Variants in TRERF1 observed in about 807,000 individuals in gnomAD.
The protein encoded by TRERF1 is transcriptional-regulating factor 1.
A neutral mutation model predicts 122.9 loss-of-function variants in TRERF1; 27 were observed. That is an observed-to-expected ratio of 0.22 (90% CI 0.16 to 0.30). The LOEUF is 0.30. TRERF1 is among the 10% of genes least tolerant of loss of function. The pLI is 1.00. For missense variants in TRERF1, 1,248 were observed against 1,560.3 expected (o/e 0.80, Z 3.37); for synonymous variants, 636 against 641.7 (o/e 0.99, Z 0.13).
intron 3 of TRERF1, among the ~76,000 whole-genome samples, chr6:42,338,126 G>A (rs1377844880): frequency 6.6e-6 from 1 of 152,174 alleles, no homozygotes; most frequent in Admixed American, 6.5e-5. Context: ...CTGATCAAAG[G>A]CACCTGGCTC....
rs764644212 is a variant in TRERF1, at chr6:42,269,398, G to C, written c.193C>G (p.Leu65Val). ...TTTTTGGAGCCAACAGGCAAGCCCA[G>C]ACCATCCCGTGTATCTTGAGGGAAG... Residue 65 changes from leucine to valine, a missense_variant, in exon 5 of 18, where the codon CTG becomes GTG. Leu to Val is a conservative substitution (Grantham distance 32, BLOSUM62 1). Transcript: ENST00000372922. This position sits in a 1 kb window ranked among gnomAD's most constrained non-coding sequence, Gnocchi z 4.9. 8.1e-6 allele frequency: 13 copies of C among 1,614,192 alleles called. No homozygotes were observed. The Admixed American group carries it at 2.0e-4, about 25-fold the overall frequency.
intron 2 of TRERF1, among the ~76,000 whole-genome samples, chr6:42,450,857 C>G (rs1293748391): frequency 6.6e-6 from 1 of 152,182 alleles, no homozygotes; most frequent in Admixed American, 6.5e-5. Flanking sequence ...AAGGCAGAGT[C>G]CTGCGGTTTC....
rs761539174 is a variant in TRERF1, at chr6:42,258,122, G to A, written c.2336+13C>T. 1 of 1,612,482 alleles carries A rather than the reference G, an allele frequency of 6.2e-7. No homozygotes were observed. Among genetic ancestry groups the A allele is most frequent in the East Asian group, 2.2e-5 (1 of 44,884 alleles). On this transcript the variant is annotated intron_variant, in intron 10 of 17. Transcript: ENST00000372922. ...GAGGCTTCTGTTCTAAAGAGTAATTGACTTTTCCTTACGGTTCAACATCTA... is the reference window on the plus strand; with the variant it reads ...GAGGCTTCTGTTCTAAAGAGTAATTAACTTTTCCTTACGGTTCAACATCTA...
chr6:42,400,697 C>T (rs1002572097), intron 2 of TRERF1, among the ~76,000 whole-genome samples: 8 of 152,144 alleles, frequency 5.3e-5, no homozygotes, highest in African/African-American at 9.7e-5. Context: ...TGGGAGAAGA[C>T]GAGGACTCAC....
chr6:42,243,155 C>T (rs1262394168), intron 15 of TRERF1, 93 bp downstream of exon 15: 117 of 1,067,192 alleles, frequency 1.1e-4, no homozygotes, highest in Non-Finnish European at 1.3e-4. Flanking sequence ...GCTATCTTGG[C>T]AGCAAAGCCA....
chr6:42,266,276 C>T (rs1779171132), intron 5 of TRERF1, among the ~76,000 whole-genome samples: 2 of 151,348 alleles, frequency 1.3e-5, no homozygotes, highest in African/African-American at 4.9e-5. Flanking sequence ...GCAGCCTCCA[C>T]CACCTGGACT....
rs1769812707 is a variant in TRERF1 at position 42,228,289 on chromosome 6, G to C, written c.*56C>G. 2 of 1,481,556 alleles carry C rather than the reference G, an allele frequency of 1.3e-6. No homozygotes were observed. Among genetic ancestry groups the C allele is most frequent in the Non-Finnish European group, 1.8e-6 (2 of 1,103,558 alleles). The allele number at this position is 1,481,556 out of a possible 1,614,324, so 91.8% of individuals were successfully genotyped here. ...AACAAGCAGGCAGTCCAGGTTTCCTGATTAATGAAGATGGAGGCCGTGGGT... is the reference window on the plus strand; with the variant it reads ...AACAAGCAGGCAGTCCAGGTTTCCTCATTAATGAAGATGGAGGCCGTGGGT... On this transcript the variant is annotated 3_prime_UTR_variant, in exon 18 of 18. Coordinates refer to ENST00000372922, the Ensembl canonical transcript of TRERF1. The surrounding 1 kb of genome is among the most constrained non-coding windows in gnomAD (Gnocchi z 4.2).
At chr6:42,332,206 G>A (rs1285349514) in intron 3 of TRERF1, among the ~76,000 whole-genome samples, 1 of 152,240 alleles carries the variant, frequency 6.6e-6, no homozygotes, top group South Asian at 2.1e-4. Flanking sequence ...GCCTCCCAAA[G>A]TGCTGGTATT....
chr6:42,341,047 C>T (rs1385588727), intron 3 of TRERF1, among the ~76,000 whole-genome samples: 1 of 152,204 alleles, frequency 6.6e-6, no homozygotes, highest in African/African-American at 2.4e-5. Flanking sequence ...GTGGAGAACA[C>T]AGCCTGGATT....
rs778207579 is a variant in TRERF1, at chr6:42,268,280, C to T, written c.1311G>A (p.Ala437=). ...TGCTGACCCGGGTCAGATCTGAGCT[C>T]GCTGGGTCTCCCATTCCTGTGTCAG... Residue 437 remains alanine (A), a synonymous_variant, in exon 5 of 18, where the codon GCG becomes GCA. Transcript: ENST00000372922. The surrounding 1 kb of genome is among the most constrained non-coding windows in gnomAD (Gnocchi z 4.4). 45 of 1,510,266 alleles carry T rather than the reference C, an allele frequency of 3.0e-5. No homozygotes were observed. Among genetic ancestry groups the T allele is most frequent in the Middle Eastern group, 3.6e-4 (2 of 5,598 alleles). The allele number at this position is 1,510,266 out of a possible 1,614,324, so 93.6% of individuals were successfully genotyped here.
At position 42,232,775 on chromosome 6, in the gene TRERF1, T is replaced by C; in HGVS notation, c.3184A>G (p.Ser1062Gly). ...GAGCTCTTTACCGAACAGTACCCACTCTGGGTGCCACCAGGCTTCTGCTTC... is the reference window on the plus strand; with the variant it reads ...GAGCTCTTTACCGAACAGTACCCACCCTGGGTGCCACCAGGCTTCTGCTTC... The change falls in exon 17 of 18, where the codon AGT becomes GGT. Residue 1062 changes from serine to glycine, a missense_variant. Ser to Gly is a moderately conservative substitution (Grantham distance 56). Transcript: ENST00000372922. The surrounding 1 kb of genome is among the most constrained non-coding windows in gnomAD (Gnocchi z 4.5). 6.2e-7 allele frequency: 1 copy of C among 1,613,416 alleles called. No homozygotes were observed. The highest frequency in any genetic ancestry group is 8.5e-7 in the Non-Finnish European group (1 of 1,179,556).
intron 2 of TRERF1, among the ~76,000 whole-genome samples, chr6:42,428,996 G>A (rs1784076525): frequency 6.6e-6 from 1 of 152,144 alleles, no homozygotes; most frequent in African/African-American, 2.4e-5. Context: ...GCTGAGCTGT[G>A]GTTGGAGACT....
chr6:42,403,541 C>T (rs898445834), intron 2 of TRERF1, among the ~76,000 whole-genome samples: 6 of 152,120 alleles, frequency 3.9e-5, no homozygotes, highest in Non-Finnish European at 5.9e-5. Flanking sequence ...CCCTCAGAAC[C>T]CCTGGACGGA....
At chr6:42,249,923 A>T (rs561763451) in intron 13 of TRERF1, among the ~76,000 whole-genome samples, 14 of 152,330 alleles carry the variant, frequency 9.2e-5, no homozygotes, top group African/African-American at 3.4e-4. Context: ...CGAGGCTGAG[A>T]GTCCATCCCT....
intron 3 of TRERF1, among the ~76,000 whole-genome samples, chr6:42,360,297 A>G (rs902122281): frequency 6.6e-6 from 1 of 152,198 alleles, no homozygotes; most frequent in South Asian, 2.1e-4. Flanking sequence ...ATCTTCACCA[A>G]CCCAGAATTT....
At chr6:42,425,221 G>A (rs1181350347) in intron 2 of TRERF1, among the ~76,000 whole-genome samples, 1 of 152,188 alleles carries the variant, frequency 6.6e-6, no homozygotes, top group Admixed American at 6.5e-5. Flanking sequence ...AACTGCTCTT[G>A]TGAATTGCAA....
chr6:42,246,598 G>C, intron 13 of TRERF1, 54 bp from the exon 14 acceptor site: 1 of 1,319,960 alleles, frequency 7.6e-7, no homozygotes, highest in East Asian at 2.4e-5. Context: ...CCTGCTTTTA[G>C]TTGCTGGTTC....
At chr6:42,348,015 T>A (rs1376498808) in intron 3 of TRERF1, among the ~76,000 whole-genome samples, 1 of 152,230 alleles carries the variant, frequency 6.6e-6, no homozygotes, top group Non-Finnish European at 1.5e-5. Flanking sequence ...TATCCACGCA[T>A]CTTTGGCTTG....
At chr6:42,430,222 C>G (rs1010306321) in intron 2 of TRERF1, among the ~76,000 whole-genome samples, 8 of 151,988 alleles carry the variant, frequency 5.3e-5, no homozygotes, top group Non-Finnish European at 5.9e-5. Flanking sequence ...CTCTGCCACC[C>G]CATCCCATCA....
Sources: allele counts gnomAD v4.1 joint callset (sites outside exome capture counted in the v4.1 genomes callset), GRCh38; gene constraint gnomAD v4.1.1; non-coding constraint Gnocchi (gnomAD v3.1); transcripts MANE v1.5; gene names NCBI Gene and HGNC (gene_info 2026-07-23, HGNC 2026-07-21).